Variants in PRKG1 observed in about 807,000 individuals in gnomAD.
The protein encoded by PRKG1 is protein kinase cGMP-dependent 1.
Under a neutral mutation model 88.1 loss-of-function variants are expected in PRKG1, and 35 were observed. That is an observed-to-expected ratio of 0.40 (90% confidence interval 0.30 to 0.53). PRKG1 has a LOEUF of 0.53. Ranked by LOEUF, PRKG1 falls within the 20% of genes least tolerant of loss-of-function variation. The probability of loss-of-function intolerance (pLI) is 0.59; values close to 1 mark genes in which losing one functional copy is unlikely to be tolerated. For missense variants in PRKG1, 540 were observed against 839.8 expected, an observed-to-expected ratio of 0.64 and a Z score of 4.41; for synonymous variants, 303 against 292.5, an observed-to-expected ratio of 1.04 and a Z score of -0.37.
chr10:50,994,833 A>T (rs139933306), intron 1 of PRKG1, among the ~76,000 whole-genome samples: 2 of 149,780 alleles, frequency 1.3e-5, no homozygotes, highest in Non-Finnish European at 3.0e-5. Context: ...AAAAAGAATG[A>T]TTGTGCCTGG....
intron 3 of PRKG1, among the ~76,000 whole-genome samples, chr10:51,563,045 A>G (rs7083915): frequency 0.14 from 21,556 of 152,060 alleles, 1,645 homozygotes; most frequent in African/African-American, 0.19. Flanking sequence ...CTCCCAAAGT[A>G]TGAGGATTAT....
chr10:51,831,698 A>C (rs1449152401), intron 4 of PRKG1, among the ~76,000 whole-genome samples: 1 of 152,086 alleles, frequency 6.6e-6, no homozygotes, highest in Admixed American at 6.6e-5. Flanking sequence ...TTATCTCTGC[A>C]TTCTGGCCAG....
At chr10:51,689,112 G>T (rs1047871735) in intron 3 of PRKG1, among the ~76,000 whole-genome samples, 3 of 152,122 alleles carry the variant, frequency 2.0e-5, no homozygotes, top group African/African-American at 4.8e-5. Flanking sequence ...CCTCAGCCAC[G>T]TGGAACTGTG....
chr10:51,464,629 C>A (rs549203812), intron 2 of PRKG1, among the ~76,000 whole-genome samples: 3 of 151,934 alleles, frequency 2.0e-5, no homozygotes, highest in East Asian at 3.9e-4. Context: ...CGGTGGCTCA[C>A]GCCTGTAATC....
intron 10 of PRKG1, among the ~76,000 whole-genome samples, chr10:52,268,932 C>T (rs1394449438): frequency 3.3e-5 from 5 of 151,804 alleles, no homozygotes; most frequent in Non-Finnish European, 7.4e-5. Flanking sequence ...AACTAGGGCT[C>T]AGAGCAGTTA....
At chr10:52,012,503 A>G (rs1416377581) in intron 5 of PRKG1, among the ~76,000 whole-genome samples, 2 of 151,938 alleles carry the variant, frequency 1.3e-5, no homozygotes, top group East Asian at 3.9e-4. Context: ...CAGCCTCCCA[A>G]AGTGCTGGGA....
At chr10:51,525,871 G>A (rs1841871852) in intron 3 of PRKG1, among the ~76,000 whole-genome samples, 1 of 151,354 alleles carries the variant, frequency 6.6e-6, no homozygotes. Context: ...TGTCACCCAG[G>A]CTGGAGCCCA....
intron 2 of PRKG1, among the ~76,000 whole-genome samples, chr10:51,202,353 G>A (rs1469175722): frequency 6.6e-6 from 1 of 152,124 alleles, no homozygotes; most frequent in Non-Finnish European, 1.5e-5. Context: ...GCTGAATATA[G>A]ACTCCTCTTG....
intron 5 of PRKG1, among the ~76,000 whole-genome samples, chr10:51,984,995 A>C (rs933424180): frequency 3.9e-5 from 6 of 152,184 alleles, no homozygotes; most frequent in Admixed American, 1.3e-4. Flanking sequence ...TGCATATTAG[A>C]TTGCAAGCCA....
intron 3 of PRKG1, among the ~76,000 whole-genome samples, chr10:51,540,678 C>A (rs1420851268): frequency 6.6e-6 from 1 of 151,924 alleles, no homozygotes; most frequent in African/African-American, 2.4e-5. Flanking sequence ...TGAACCTACA[C>A]TTATTTCCTT....
At chr10:51,994,283 C>T (rs558967652) in intron 5 of PRKG1, among the ~76,000 whole-genome samples, 2 of 152,206 alleles carry the variant, frequency 1.3e-5, no homozygotes, top group East Asian at 3.9e-4. Context: ...AGTCTTTCTC[C>T]TTTTGCTTCA....
intron 5 of PRKG1, among the ~76,000 whole-genome samples, chr10:51,946,111 T>A (rs571552262): frequency 1.3e-5 from 2 of 152,212 alleles, no homozygotes; most frequent in South Asian, 4.2e-4. Context: ...CAGACGTAGA[T>A]TTGGTCTTCT....
intron 2 of PRKG1, among the ~76,000 whole-genome samples, chr10:51,218,088 C>T (rs1838417540): frequency 6.6e-6 from 1 of 152,106 alleles, no homozygotes; most frequent in Non-Finnish European, 1.5e-5. Flanking sequence ...ATGTCGTTAA[C>T]TGTTATTTAA....
chr10:51,848,655 G>A (rs528093210), intron 4 of PRKG1, among the ~76,000 whole-genome samples: 1 of 137,678 alleles, frequency 7.3e-6, no homozygotes, highest in East Asian at 1.9e-4. Flanking sequence ...GTGTGTGTGT[G>A]TGTGTGTGTG....
At chr10:51,205,625 T>A (rs1838039589) in intron 2 of PRKG1, among the ~76,000 whole-genome samples, 1 of 152,010 alleles carries the variant, frequency 6.6e-6, no homozygotes, top group Non-Finnish European at 1.5e-5. Context: ...CACCTCTGCC[T>A]CCAGGGTTCA....
chr10:51,748,911 A>G (rs1008390054), intron 3 of PRKG1, among the ~76,000 whole-genome samples: 1 of 152,238 alleles, frequency 6.6e-6, no homozygotes, highest in African/African-American at 2.4e-5. Context: ...TCACTATTTC[A>G]GATTACCTTT....
At chr10:51,200,017 G>T (rs143595570) in intron 2 of PRKG1, among the ~76,000 whole-genome samples, 16 of 152,236 alleles carry the variant, frequency 1.1e-4, no homozygotes, top group African/African-American at 3.6e-4. Context: ...AAACACTAGG[G>T]ACATACAAAA....
At chr10:51,376,646 TTTG>T (rs1403629173) in intron 2 of PRKG1, among the ~76,000 whole-genome samples, 3 of 152,036 alleles carry the variant, frequency 2.0e-5, no homozygotes, top group African/African-American at 4.8e-5. Flanking sequence ...TAGGGTTTTG[TTTG>T]TTTTCTTGTT....
At position 51,218,079 on chromosome 10, in the gene PRKG1, T is replaced by C. The variant is rs1001213726; in HGVS notation, c.478+64749T>C. ...TAATGTAAATGAACTGTGATACTTA[T>C]GTCGTTAACTGTTATTTAACAACAT... On this transcript the variant is annotated intron_variant, in intron 2 of 17. Coordinates refer to ENST00000373980, the MANE Select transcript of PRKG1 (RefSeq NM_006258.4). 2.6e-5 allele frequency among the ~76,000 whole-genome samples: 4 copies of C among 152,188 alleles called. No homozygotes were observed. The South Asian group carries it at 8.3e-4, about 31-fold the overall frequency.
Sources: gnomAD v4.1 joint callset for allele counts (sites outside exome capture counted in the v4.1 genomes callset) on GRCh38, gnomAD v4.1.1 for gene constraint, MANE v1.5 for transcripts, NCBI Gene and HGNC (gene_info 2026-07-23, HGNC 2026-07-21) for gene names.